The following PCP4L1 variants were observed in gnomAD, a reference collection of about 807,000 sequenced individuals.
PCP4L1 encodes the protein Purkinje cell protein 4-like protein 1.
A neutral mutation model predicts 9.6 loss-of-function variants in PCP4L1; 9 were observed. The ratio of observed to expected loss-of-function variants is 0.94; its 90% CI spans 0.57 to 1.64. PCP4L1 has a LOEUF of 1.64. Ranked by LOEUF, PCP4L1 falls within the 40% of genes most tolerant of loss-of-function variation. The pLI is 0.00. For synonymous variants in PCP4L1, 31 were observed against 28.2 expected, an observed-to-expected ratio of 1.10 and a Z score of -0.31; for missense variants, 81 against 80.8, an observed-to-expected ratio of 1.00 and a Z score of -0.01.
intron 1 of PCP4L1, among the ~76,000 whole-genome samples, chr1:161,265,356 C>A (rs757749943): frequency 1.3e-5 from 2 of 152,058 alleles, no homozygotes; most frequent in Non-Finnish European, 2.9e-5. Flanking sequence ...CATAGCAAGA[C>A]CCCGTCTTTA....
chr1:161,258,933 C>G lies in PCP4L1; in HGVS notation c.-42C>G. ...GGAGCCCCGAGGGCCACTCGCCTCA[C>G]CTGTGCGTGCAGCGCCTCGCGCGCC... On this transcript the variant is annotated 5_prime_UTR_variant, in exon 1 of 3. Transcript: ENST00000504449. The G allele has an allele frequency of 6.5e-7, 1 of 1,535,134 alleles. No individual in the cohort carries two copies.
intron 1 of PCP4L1, among the ~76,000 whole-genome samples, chr1:161,259,680 G>A (rs6662338): frequency 0.058 from 8,823 of 152,228 alleles, 557 homozygotes; most frequent in African/African-American, 0.16. Context: ...TCATGGGGTG[G>A]GGGAGTGGGG....
chr1:161,261,119 G>A (rs1034841617), intron 1 of PCP4L1, among the ~76,000 whole-genome samples: 5 of 152,144 alleles, frequency 3.3e-5, no homozygotes, highest in Non-Finnish European at 5.9e-5. Flanking sequence ...TCTTTCAGGT[G>A]GAAGAGCCCC....
intron 1 of PCP4L1, among the ~76,000 whole-genome samples, chr1:161,278,624 A>G (rs1200474328): frequency 6.6e-6 from 1 of 151,968 alleles, no homozygotes; most frequent in Admixed American, 6.6e-5. Flanking sequence ...ATGACAGACC[A>G]TGTTTTCCTC....
At chr1:161,279,293 C>G (rs901384295) in intron 1 of PCP4L1, among the ~76,000 whole-genome samples, 6 of 152,242 alleles carry the variant, frequency 3.9e-5, no homozygotes, top group African/African-American at 1.4e-4. Flanking sequence ...GCATTTGTCA[C>G]TAACTGATGT....
intron 1 of PCP4L1, among the ~76,000 whole-genome samples, chr1:161,264,095 T>G (rs1156364053): frequency 1.3e-5 from 2 of 151,328 alleles, no homozygotes; most frequent in Non-Finnish European, 2.9e-5. Context: ...TTTTTTTTAG[T>G]AGAGACGAGA....
At chr1:161,268,122 T>C (rs1230642232) in intron 1 of PCP4L1, among the ~76,000 whole-genome samples, 3 of 152,236 alleles carry the variant, frequency 2.0e-5, no homozygotes, top group African/African-American at 4.8e-5. Context: ...TCCTGAGTAC[T>C]AATCTCCTTT....
intron 1 of PCP4L1, among the ~76,000 whole-genome samples, chr1:161,259,737 A>G (rs1198758792): frequency 6.6e-6 from 1 of 152,214 alleles, no homozygotes; most frequent in Non-Finnish European, 1.5e-5. Flanking sequence ...GTCTATTTGT[A>G]GGCACAGTCT....
intron 1 of PCP4L1, among the ~76,000 whole-genome samples, chr1:161,278,514 C>A (rs1304006921): frequency 1.3e-5 from 2 of 151,954 alleles, no homozygotes; most frequent in Non-Finnish European, 2.9e-5. Flanking sequence ...AGTGATCCTC[C>A]CATGTCAGCC....
Position 161,258,875 on chromosome 1 carries a change from C to T in PCP4L1, c.-100C>T, listed in dbSNP as rs889868212. ...TCTCCTGGTCAGCTGTAACCCCTGC[C>T]GCAGAGCCCGGCAACTTTCAGCTGT... On this transcript the variant is annotated 5_prime_UTR_variant, in exon 1 of 3. Coordinates refer to ENST00000504449, the MANE Select transcript of PCP4L1 (RefSeq NM_001102566.2). 6.8e-5 allele frequency: 102 copies of T among 1,507,188 alleles called. No individual in the cohort carries two copies. Among genetic ancestry groups the T allele is most frequent in the Middle Eastern group, 3.4e-4 (2 of 5,920 alleles). 93.4% of individuals were successfully genotyped at this position (1,507,188 alleles called of 1,614,324 possible).
chr1:161,273,258 G>A (rs1421173298), intron 1 of PCP4L1, among the ~76,000 whole-genome samples: 1 of 152,160 alleles, frequency 6.6e-6, no homozygotes, highest in Non-Finnish European at 1.5e-5. Context: ...ATAAATTAAG[G>A]AAAAGAAGGA....
rs539872397 is a variant in PCP4L1, at chr1:161,262,433, C to CAAAAA, written c.9+3469_9+3473dup. Among the ~76,000 whole-genome samples the CAAAAA allele has an allele frequency of 9.4e-4, 59 of 62,736 alleles. 1 individual carries two copies. The highest frequency in any genetic ancestry group is 2.0e-3 in the South Asian group (3 of 1,494). The allele number at this position is 62,736 out of a possible 152,430, so 41.2% of individuals were successfully genotyped here. A position where few individuals can be genotyped will look rare whatever the true frequency, so the allele number is the denominator to read the frequency against. On this transcript the variant is annotated intron_variant, in intron 1 of 2. Transcript: ENST00000504449. ...TGGGCGACAGAGCGAGACTCCATCT[C>CAAAAA]AAAAAAAAAAAAAAAAAAAAAAAGA...
At chr1:161,273,756 T>C (rs1571797196) in intron 1 of PCP4L1, among the ~76,000 whole-genome samples, 2 of 152,206 alleles carry the variant, frequency 1.3e-5, no homozygotes, top group South Asian at 2.1e-4. Context: ...ATCTGAGTGA[T>C]AGGCGTGGTC....
intron 1 of PCP4L1, among the ~76,000 whole-genome samples, chr1:161,276,795 CAT>C (rs1481083531): frequency 1.3e-5 from 2 of 150,830 alleles, no homozygotes; most frequent in Non-Finnish European, 2.9e-5. Flanking sequence ...AATATAAACA[CAT>C]ATGTATCTTA....
intron 1 of PCP4L1, among the ~76,000 whole-genome samples, chr1:161,275,017 G>T (rs1434588756): frequency 1.3e-5 from 2 of 152,100 alleles, no homozygotes; most frequent in South Asian, 2.1e-4. Context: ...CCCGGGGGGT[G>T]GGGGGACCAG....
At chr1:161,273,020 GA>G (rs979781953) in intron 1 of PCP4L1, among the ~76,000 whole-genome samples, 27 of 152,178 alleles carry the variant, frequency 1.8e-4, no homozygotes, top group Admixed American at 2.6e-4. Flanking sequence ...AAAGCCGAAA[GA>G]AAAAAAGACC....
intron 1 of PCP4L1, among the ~76,000 whole-genome samples, chr1:161,270,983 A>G (rs1378653070): frequency 2.0e-5 from 3 of 152,162 alleles, no homozygotes; most frequent in Admixed American, 1.3e-4. Flanking sequence ...CTCACCAGTC[A>G]TTAATTCAGG....
rs1669871162 is a variant in PCP4L1, at chr1:161,284,355, C to T, written c.81C>T (p.Val27=). 6.2e-7 allele frequency: 1 copy of T among 1,613,810 alleles called. No individual in the cohort carries two copies. Among genetic ancestry groups the T allele is most frequent in the African/African-American group, 1.3e-5 (1 of 74,890 alleles). The stretch of plus-strand genomic sequence containing the variant: ...TATCTGCAGGAAAAGCTGGCAATGT[C>T]AAGAAGGCGGAGGAGGAGGAGGAGA... The part of the protein sequence containing the change: ...GQEEKGKAGN[V]KKAEEEEEID... Residue 27 remains valine (V), a synonymous_variant, in exon 3 of 3, where the codon GTC becomes GTT. Transcript: ENST00000504449.
chr1:161,268,393 C>T (rs1265034202), intron 1 of PCP4L1, among the ~76,000 whole-genome samples: 1 of 152,212 alleles, frequency 6.6e-6, no homozygotes, highest in African/African-American at 2.4e-5. Context: ...CAACTCCACT[C>T]TCTGATTCTA....
Sources: gnomAD v4.1 joint callset for allele counts (sites outside exome capture counted in the v4.1 genomes callset) on GRCh38, gnomAD v4.1.1 for gene constraint, MANE v1.5 for transcripts, NCBI Gene and HGNC (gene_info 2026-07-23, HGNC 2026-07-21) for gene names.